DCC: variants seen among roughly 807,000 people sequenced by gnomAD.
DCC encodes netrin receptor DCC.
Under a neutral mutation model 172.5 loss-of-function variants are expected in DCC, and 58 were observed. The observed-to-expected ratio is 0.34, with a 90% CI of 0.27 to 0.42. The LOEUF is 0.42. Among genes scored for constraint, DCC ranks in the 10% least tolerant of loss-of-function variants. DCC has a pLI of 1.00. For synonymous variants in DCC, 709 were observed against 644.5 expected (o/e 1.10, Z -1.52); for missense variants, 1,740 against 1,791.0 (o/e 0.97, Z 0.51).
At chr18:53,319,769 G>T (rs2057386427) in intron 13 of DCC, among the ~76,000 whole-genome samples, 1 of 152,238 alleles carries the variant, frequency 6.6e-6, no homozygotes, top group South Asian at 2.1e-4. Context: ...CCTCAGGGCA[G>T]CCTCAGTTCT....
intron 15 of DCC, among the ~76,000 whole-genome samples, chr18:53,384,153 G>C (rs1197094661): frequency 1.3e-5 from 2 of 152,084 alleles, no homozygotes; most frequent in Non-Finnish European, 2.9e-5. Context: ...TAGTAGTTCT[G>C]GGGATCAGGG....
intron 1 of DCC, among the ~76,000 whole-genome samples, chr18:52,683,165 T>C (rs1156590465): frequency 6.6e-6 from 1 of 152,118 alleles, no homozygotes; most frequent in East Asian, 1.9e-4. Flanking sequence ...TGATTGCAAG[T>C]CTTTGTCTGT....
Position 53,083,727 on chromosome 18 carries a change from A to T in DCC, c.1261+17561A>T, listed in dbSNP as rs1252136877. On this transcript the variant is annotated intron_variant, in intron 7 of 28. Coordinates refer to ENST00000442544, the MANE Select transcript of DCC (RefSeq NM_005215.4). ...TAGCTCTTTGTTTACATGTGCATAG[A>T]GACCTGATTAAAATTTGGGGGTTGT... is the stretch of plus-strand genomic sequence containing the variant. 2.0e-5 allele frequency among the ~76,000 whole-genome samples: 3 copies of T among 152,312 alleles called. No homozygotes were observed. In the East Asian group the frequency reaches 5.8e-4, roughly 29 times the overall value.
At chr18:53,264,375 T>C (rs906871878) in intron 12 of DCC, among the ~76,000 whole-genome samples, 2 of 150,212 alleles carry the variant, frequency 1.3e-5, no homozygotes, top group African/African-American at 4.9e-5. Flanking sequence ...TAATTCCAGC[T>C]ACTCTGGAGG....
intron 1 of DCC, among the ~76,000 whole-genome samples, chr18:52,700,813 A>G (rs1267764805): frequency 2.6e-5 from 4 of 152,244 alleles, no homozygotes; most frequent in Non-Finnish European, 5.9e-5. Context: ...TTTAGGAATC[A>G]CCAGGACAGA....
At chr18:53,099,149 A>G (rs7506783) in intron 7 of DCC, among the ~76,000 whole-genome samples, 104,819 of 152,012 alleles carry the variant, frequency 0.69, 37,964 homozygotes, top group African/African-American at 0.9. Context: ...GTTATTACTA[A>G]TAAGTTGCCA....
At chr18:52,678,351 T>C (rs1319539860) in intron 1 of DCC, among the ~76,000 whole-genome samples, 1 of 152,190 alleles carries the variant, frequency 6.6e-6, no homozygotes, top group Non-Finnish European at 1.5e-5. Flanking sequence ...TGGGGTAGTA[T>C]TAAAGCTCCT....
At chr18:52,949,991 A>C (rs1344336071) in intron 5 of DCC, among the ~76,000 whole-genome samples, 1 of 152,172 alleles carries the variant, frequency 6.6e-6, no homozygotes, top group Non-Finnish European at 1.5e-5. Flanking sequence ...TTTATTGAGG[A>C]CCTATGTACA....
At chr18:53,020,308 C>T (rs1227821824) in intron 5 of DCC, among the ~76,000 whole-genome samples, 1 of 152,098 alleles carries the variant, frequency 6.6e-6, no homozygotes, top group Non-Finnish European at 1.5e-5. Context: ...AAAAATAGTT[C>T]TTTTCATGAA....
At chr18:52,816,792 A>G (rs867892565) in intron 2 of DCC, 2 of 152,188 alleles carry the variant, frequency 1.3e-5, no homozygotes, top group Admixed American at 6.5e-5. Flanking sequence ...CAGGAAAAGC[A>G]TCTTTTATTT....
At chr18:52,804,564 G>A (rs1323419449) in intron 2 of DCC, among the ~76,000 whole-genome samples, 1 of 152,072 alleles carries the variant, frequency 6.6e-6, no homozygotes, top group Admixed American at 6.6e-5. Flanking sequence ...GTTTTTTGTT[G>A]TTGTTAGTTT....
intron 2 of DCC, among the ~76,000 whole-genome samples, chr18:52,837,113 A>G (rs926741412): frequency 7.2e-5 from 11 of 152,162 alleles, no homozygotes; most frequent in Non-Finnish European, 1.5e-4. Context: ...GAAACAGGGC[A>G]CCAAGTCCCT....
intron 8 of DCC, among the ~76,000 whole-genome samples, chr18:53,172,932 T>C (rs2055035322): frequency 6.6e-6 from 1 of 152,124 alleles, no homozygotes; most frequent in Non-Finnish European, 1.5e-5. Flanking sequence ...GTTGCTTTTC[T>C]AAATCTCACT....
chr18:53,035,188 T>A (rs1382086858), intron 5 of DCC, among the ~76,000 whole-genome samples: 1 of 145,070 alleles, frequency 6.9e-6, no homozygotes, highest in Non-Finnish European at 1.5e-5. Context: ...GTGTGTGAAT[T>A]TTGGGAACAT....
chr18:53,180,889 AG>A (rs2055185742), intron 9 of DCC, among the ~76,000 whole-genome samples: 1 of 152,178 alleles, frequency 6.6e-6, no homozygotes, highest in African/African-American at 2.4e-5. Flanking sequence ...CTAGGATTAC[AG>A]GCAGGAGCCA....
At chr18:53,510,592 T>C (rs1161557832) in intron 27 of DCC, among the ~76,000 whole-genome samples, 3 of 152,158 alleles carry the variant, frequency 2.0e-5, no homozygotes, top group Non-Finnish European at 4.4e-5. Flanking sequence ...TGAAGACAGT[T>C]TTCATCCTTT....
chr18:53,277,848 C>G (rs905786724), intron 12 of DCC, among the ~76,000 whole-genome samples: 2 of 152,124 alleles, frequency 1.3e-5, no homozygotes, highest in African/African-American at 4.8e-5. Context: ...TGATGAGAGT[C>G]CACGGGATAG....
chr18:53,130,568 C>T (rs1481265385), intron 7 of DCC, among the ~76,000 whole-genome samples: 1 of 152,126 alleles, frequency 6.6e-6, no homozygotes, highest in Non-Finnish European at 1.5e-5. Context: ...AGAAAACCCA[C>T]TAAGTTGACG....
intron 1 of DCC, among the ~76,000 whole-genome samples, chr18:52,479,577 T>TCCCC (rs1312471041): frequency 3.0e-5 from 1 of 32,944 alleles, no homozygotes; most frequent in Non-Finnish European, 7.0e-5. Context: ...CCTACCTCCC[T>TCCCC]CCACCCCCCC....
Sources: gnomAD v4.1 joint callset for allele counts (sites outside exome capture counted in the v4.1 genomes callset) on GRCh38, gnomAD v4.1.1 for gene constraint, MANE v1.5 for transcripts, NCBI Gene and HGNC (gene_info 2026-07-23, HGNC 2026-07-21) for gene names.